The following EEF2K variants were observed in gnomAD, a reference collection of about 807,000 sequenced individuals.
The protein encoded by EEF2K is alternative protein EEF2K.
Under a neutral mutation model 93.8 loss-of-function variants are expected in EEF2K, and 70 were observed. The ratio of observed to expected loss-of-function variants is 0.75; its 90% confidence interval spans 0.62 to 0.91. The LOEUF (loss-of-function observed/expected upper bound fraction) is 0.91, where lower values mean the gene tolerates loss of function less well. Among genes scored for constraint, EEF2K ranks in the 40% least tolerant of loss-of-function variants. The pLI is 0.00. For missense variants in EEF2K, 935 were observed against 972.9 expected (o/e 0.96, Z 0.52); for synonymous variants, 376 against 380.8 (o/e 0.99, Z 0.15).
At chr16:22,279,236 C>CTTT (rs143168233) in intron 16 of EEF2K, among the ~76,000 whole-genome samples, 2 of 135,240 alleles carry the variant, frequency 1.5e-5, no homozygotes, top group African/African-American at 2.7e-5. Flanking sequence ...CTTGACTCCT[C>CTTT]TTTTTTTTTT....
At chr16:22,227,823 A>C (rs948506041) in intron 2 of EEF2K, among the ~76,000 whole-genome samples, 2 of 151,912 alleles carry the variant, frequency 1.3e-5, no homozygotes, top group Admixed American at 6.6e-5. Flanking sequence ...TTGGCTGGGC[A>C]CAGTGGCTCA....
At chr16:22,237,994 T>A (rs2047184130) in intron 2 of EEF2K, among the ~76,000 whole-genome samples, 1 of 152,088 alleles carries the variant, frequency 6.6e-6, no homozygotes, top group Non-Finnish European at 1.5e-5. Flanking sequence ...ACAATAGGTC[T>A]TAGAAATTGC....
chr16:22,212,681 G>T (rs1462063654), intron 1 of EEF2K, among the ~76,000 whole-genome samples: 2 of 152,128 alleles, frequency 1.3e-5, no homozygotes, highest in Non-Finnish European at 2.9e-5. Flanking sequence ...GGAAGAGAGG[G>T]TTGGGGAGGG....
intron 1 of EEF2K, among the ~76,000 whole-genome samples, chr16:22,212,563 G>T (rs955060702): frequency 1.3e-5 from 2 of 151,994 alleles, no homozygotes; most frequent in Non-Finnish European, 2.9e-5. Flanking sequence ...CTCGTGATCC[G>T]CCTGCCTCGG....
At chr16:22,256,932 A>G in intron 7 of EEF2K, 35 bp downstream of exon 7, 3 of 1,610,822 alleles carry the variant, frequency 1.9e-6, no homozygotes, top group Non-Finnish European at 2.5e-6. Context: ...TCTGCCCACC[A>G]CAGCCCTTGG....
intron 2 of EEF2K, among the ~76,000 whole-genome samples, chr16:22,235,852 C>T (rs980230877): frequency 2.0e-5 from 3 of 152,142 alleles, no homozygotes; most frequent in Non-Finnish European, 4.4e-5. Flanking sequence ...GGCTGGAGTG[C>T]AGTGGCACAA....
intron 1 of EEF2K, among the ~76,000 whole-genome samples, chr16:22,212,972 C>A (rs2046929035): frequency 6.7e-6 from 1 of 149,998 alleles, no homozygotes; most frequent in South Asian, 2.1e-4. Flanking sequence ...AGACACCCAC[C>A]CAGTCTCTTA....
chr16:22,257,688 G>A lies in EEF2K; in HGVS notation c.947G>A (p.Arg316Gln), dbSNP rs200860088. Residue 316 changes from arginine to glutamine, a missense_variant, in exon 9 of 18, where the codon CGG becomes CAG. Arg to Gln is a conservative substitution (Grantham distance 43, BLOSUM62 1). Coordinates refer to ENST00000263026, the MANE Select transcript of EEF2K (RefSeq NM_013302.5). ...TTCTTCTACTCTCATGCCTGCAACC[G>A]GATTTGCGAGAGCATGGGCCTTGCT... is the stretch of plus-strand genomic sequence containing the variant. ...ALFFYSHACN[R>Q]ICESMGLAPF... is the part of the protein sequence containing the mutation. 161 of 1,613,816 alleles carry A rather than the reference G, an allele frequency of 1.0e-4. 1 individual carries two copies. The highest frequency in any genetic ancestry group is 1.6e-4 in the Middle Eastern group (1 of 6,084).
At chr16:22,263,432 A>C (rs2047486562) in intron 12 of EEF2K, 2 of 226,470 alleles carry the variant, frequency 8.8e-6, no homozygotes, top group Admixed American at 5.7e-5. Flanking sequence ...AACATGGTGA[A>C]ACCCCGTCTC....
chr16:22,278,397 G>A (rs185067138), intron 16 of EEF2K, among the ~76,000 whole-genome samples: 4 of 152,272 alleles, frequency 2.6e-5, no homozygotes, highest in African/African-American at 7.2e-5. Context: ...GGGGACACAC[G>A]TTCCAACCAG....
chr16:22,232,401 A>AT (rs1049825818), intron 2 of EEF2K, among the ~76,000 whole-genome samples: 9 of 150,436 alleles, frequency 6.0e-5, no homozygotes, highest in South Asian at 4.2e-4. Context: ...CAACTTCTTA[A>AT]TTTTTTTTTG....
chr16:22,251,389 G>T, intron 6 of EEF2K, 67 bp downstream of exon 6: 1 of 1,549,474 alleles, frequency 6.5e-7, no homozygotes, highest in Non-Finnish European at 8.7e-7. Context: ...TGGGAAAGAG[G>T]GCCATGGTGA....
chr16:22,250,709 G>A lies in EEF2K; in HGVS notation c.446+18G>A. 1 of 1,614,150 alleles carries A rather than the reference G, an allele frequency of 6.2e-7. No individual in the cohort carries two copies. Among genetic ancestry groups the A allele is most frequent in the African/African-American group, 1.3e-5 (1 of 75,066 alleles). On this transcript the variant is annotated intron_variant, in intron 5 of 17. Transcript: ENST00000263026. ...TTCCGGACGTAAGTGACTCAGCCTG[G>A]CTCTTGGGGCCCTGCCCAGAGTCCC...
chr16:22,248,972 A>ATTTT lies in EEF2K; in HGVS notation c.408+173_408+176dup, dbSNP rs201664759. ...TGTTTATTTATTGGTTGTAGCCAGC[A>ATTTT]TTTTTTTTTTTTTTTTTTTGAGACA... On this transcript the variant is annotated intron_variant, in intron 4 of 17. Transcript: ENST00000263026. 4.7e-5 allele frequency among the ~76,000 whole-genome samples: 6 copies of ATTTT among 126,518 alleles called. No homozygotes were observed. The East Asian group carries it at 8.8e-4, about 19-fold the overall frequency. 83.0% of individuals were successfully genotyped at this position (126,518 alleles called of 152,430 possible).
At chr16:22,215,454 C>T (rs534255783) in intron 1 of EEF2K, among the ~76,000 whole-genome samples, 5 of 152,254 alleles carry the variant, frequency 3.3e-5, no homozygotes, top group South Asian at 2.1e-4. Context: ...GAGGAAGGGA[C>T]GGATGGGCTG....
At chr16:22,276,551 G>A (rs1351339045) in intron 16 of EEF2K, among the ~76,000 whole-genome samples, 2 of 152,126 alleles carry the variant, frequency 1.3e-5, no homozygotes, top group African/African-American at 2.4e-5. Flanking sequence ...TCAGGCCCCA[G>A]AAGTTACTAT....
chr16:22,264,053 G>A (rs1363576305), intron 12 of EEF2K, among the ~76,000 whole-genome samples: 7 of 152,066 alleles, frequency 4.6e-5, no homozygotes. Flanking sequence ...CAGCACTTTG[G>A]GAGGCCGGGG....
In EEF2K at chr16:22,283,268, C is replaced by A. The variant is rs2047713613; in HGVS notation, c.2069-619C>A. Among the ~76,000 whole-genome samples the A allele has an allele frequency of 2.8e-5, 4 of 143,326 alleles. No homozygotes were observed. The South Asian group carries it at 8.7e-4, about 31-fold the overall frequency. 94.0% of individuals were successfully genotyped at this position (143,326 alleles called of 152,430 possible). On this transcript the variant is annotated intron_variant, in intron 17 of 17. Coordinates refer to ENST00000263026, the MANE Select transcript of EEF2K (RefSeq NM_013302.5). ...TGGTGACAGTGAGCTAAGATTCCGC[C>A]ACTGGACTCCAGCCTGGGTGACAGA...
intron 2 of EEF2K, among the ~76,000 whole-genome samples, chr16:22,234,933 T>G (rs1156993918): frequency 1.4e-5 from 2 of 142,938 alleles, no homozygotes; most frequent in African/African-American, 5.3e-5. Flanking sequence ...CCTGCTGGAG[T>G]GCAGTGGTGC....
Sources: gnomAD v4.1 joint callset for allele counts (sites outside exome capture counted in the v4.1 genomes callset) on GRCh38, gnomAD v4.1.1 for gene constraint, MANE v1.5 for transcripts, NCBI Gene and HGNC (gene_info 2026-07-23, HGNC 2026-07-21) for gene names.